The following MORC1 variants were observed in gnomAD, a reference collection of about 807,000 sequenced individuals.
The protein encoded by MORC1 is MORC family CW-type zinc finger protein 1.
Under a neutral mutation model 134.9 loss-of-function variants are expected in MORC1, and 59 were observed. The observed-to-expected ratio is 0.44, with a 90% CI of 0.35 to 0.54. MORC1 has a LOEUF of 0.54. Ranked by LOEUF, MORC1 falls within the 20% of genes least tolerant of loss-of-function variation. The pLI is 0.00. For synonymous variants in MORC1, 395 were observed against 391.7 expected (o/e 1.01, Z -0.10); for missense variants, 947 against 1,134.5 (o/e 0.83, Z 2.37).
At chr3:108,994,914 TTC>T (rs1948157926) in intron 21 of MORC1, among the ~76,000 whole-genome samples, 3 of 152,228 alleles carry the variant, frequency 2.0e-5, no homozygotes, top group Admixed American at 1.3e-4. Context: ...GTGTGGTTAC[TTC>T]TTACCTCTCA....
Position 109,007,087 on chromosome 3 carries a change from T to G in MORC1, c.1709A>C (p.Gln570Pro), listed in dbSNP as rs1379350440. ...NRLAEQQPQP[Q>P]FIPVDEITVT... ...AGTGATTTCGTCCACTGGTATAAAT[T>G]GAGGCTTTATGGGAAAGCAAACCAT... is the stretch of plus-strand genomic sequence containing the variant. The change falls in exon 18 of 28, where the codon CAA becomes CCA. Residue 570 changes from glutamine (Q) to proline (P), a missense_variant. Around this residue, in one of 3 missense-constraint regions of MORC1, gnomAD observed 722 missense variants for 817.0 expected, o/e 0.88. Coordinates refer to ENST00000232603, the MANE Select transcript of MORC1 (RefSeq NM_014429.4). 2.5e-6 allele frequency: 4 copies of G among 1,609,926 alleles called. No individual in the cohort carries two copies. The highest frequency in any genetic ancestry group is 3.4e-6 in the Non-Finnish European group (4 of 1,177,978).
intron 8 of MORC1, among the ~76,000 whole-genome samples, chr3:109,073,877 T>A (rs897839963): frequency 6.6e-6 from 1 of 152,164 alleles, no homozygotes. Flanking sequence ...TAGGGTAGAT[T>A]AAACCTATGA....
At chr3:109,029,735 C>T (rs540334778) in intron 16 of MORC1, among the ~76,000 whole-genome samples, 1 of 152,284 alleles carries the variant, frequency 6.6e-6, no homozygotes, top group East Asian at 1.9e-4. Context: ...TTACCCTCTC[C>T]GGGTATTACT....
At chr3:109,002,328 C>T (rs1948426901) in intron 20 of MORC1, among the ~76,000 whole-genome samples, 1 of 152,264 alleles carries the variant, frequency 6.6e-6, no homozygotes, top group African/African-American at 2.4e-5. Flanking sequence ...CAAGATCAGC[C>T]TCAGAAGTGT....
At chr3:109,046,061 T>G (rs2399264) in intron 14 of MORC1, among the ~76,000 whole-genome samples, 23,615 of 152,142 alleles carry the variant, frequency 0.16, 2,005 homozygotes, top group African/African-American at 0.21. Context: ...CACTGAGTAA[T>G]TTTATATTTT....
Position 109,069,806 on chromosome 3 carries a change from C to T in MORC1, c.690-49G>A, listed in dbSNP as rs748553599. 7.8e-6 allele frequency: 12 copies of T among 1,532,814 alleles called. No homozygotes were observed. The East Asian group carries it at 2.8e-4, about 35-fold the overall frequency. The allele number at this position is 1,532,814 out of a possible 1,614,324, so 95.0% of individuals were successfully genotyped here. A position where few individuals can be genotyped will look rare whatever the true frequency, so the allele number is the denominator to read the frequency against. On this transcript the variant is annotated intron_variant, in intron 8 of 27. Transcript: ENST00000232603. ...CACAATACAGAGGACACAACAACTACATCTCTTTGAGAAGAAATAACATCA... is the reference window on the plus strand; with the variant it reads ...CACAATACAGAGGACACAACAACTATATCTCTTTGAGAAGAAATAACATCA...
intron 13 of MORC1, among the ~76,000 whole-genome samples, chr3:109,056,765 A>T (rs1250059992): frequency 6.6e-6 from 1 of 152,068 alleles, no homozygotes; most frequent in East Asian, 1.9e-4. Flanking sequence ...TCCCTGACCC[A>T]TTCTATTGGT....
chr3:109,065,186 G>A (rs551235320), intron 9 of MORC1, among the ~76,000 whole-genome samples: 140 of 152,138 alleles, frequency 9.2e-4, no homozygotes, highest in African/African-American at 3.1e-3. Context: ...CCACTCAACA[G>A]CTAGAATAAT....
Position 108,979,545 on chromosome 3 carries a change from T to G in MORC1, c.2447A>C (p.Glu816Ala), listed in dbSNP as rs961415989. ...PASSQSTPVK[E>A]TVRKLKSKLR... The stretch of plus-strand genomic sequence containing the variant: ...CTTAGACTTCAGTTTTCTCACTGTT[T>G]CCTTGACAGGTGTGCTTTGAGAAGA... Residue 816 changes from glutamate to alanine, a missense_variant, in exon 24 of 28, where the codon GAA (glutamate) becomes GCA (alanine). Coordinates refer to ENST00000232603, the MANE Select transcript of MORC1 (RefSeq NM_014429.4). 2 of 1,614,116 alleles carry G rather than the reference T, an allele frequency of 1.2e-6. No homozygotes were observed. The highest frequency in any genetic ancestry group is 1.7e-5 in the Admixed American group (1 of 60,016).
At chr3:109,032,416 T>C (rs991253092) in intron 16 of MORC1, among the ~76,000 whole-genome samples, 2 of 152,160 alleles carry the variant, frequency 1.3e-5, no homozygotes, top group Admixed American at 1.3e-4. Context: ...TAAGGACATA[T>C]GTTGTATGAA....
At chr3:109,091,417 C>T (rs1339273452) in intron 8 of MORC1, among the ~76,000 whole-genome samples, 1 of 150,954 alleles carries the variant, frequency 6.6e-6, no homozygotes, top group East Asian at 1.9e-4. Context: ...GCACTCCAGC[C>T]TGGGCAACAG....
In MORC1 at chr3:109,035,410, C is replaced by A. The variant is rs766105987; in HGVS notation, c.1389G>T (p.Val463=). 2.4e-5 allele frequency: 37 copies of A among 1,556,000 alleles called. No homozygotes were observed. The Admixed American group carries it at 4.0e-4, about 17-fold the overall frequency. The stretch of plus-strand genomic sequence containing the variant: ...ATTGAAAAGAATTTAAAGGTTTCTC[C>A]ACATCGATGTCATTCTGGTATCCAA... ...NEFGYQNDID[V]EKPLNSFQYQ... is the part of the protein sequence containing the mutation. Residue 463 remains valine, a synonymous_variant, in exon 15 of 28, where the codon GTG becomes GTT. Transcript: ENST00000232603.
chr3:109,063,130 T>C (rs1335078409), intron 10 of MORC1, 22 bp downstream of exon 10: 3 of 1,518,980 alleles, frequency 2.0e-6, no homozygotes, highest in Middle Eastern at 1.7e-4. Flanking sequence ...AACAATGATG[T>C]AGGCTACAGG....
At chr3:109,040,403 A>AAAGAGAAGGAAGGAAGGAAGGAAGGAAG (rs1553753628) in intron 14 of MORC1, among the ~76,000 whole-genome samples, 2 of 13,572 alleles carry the variant, frequency 1.5e-4, no homozygotes, top group South Asian at 4.7e-3. Flanking sequence ...AGAAAGAAAG[A>AAAGAGAAGGAAGGAAGGAAGGAAGGAAG]GAAGGAAGGA....
chr3:108,987,344 G>A (rs369440163), intron 21 of MORC1, among the ~76,000 whole-genome samples: 1 of 152,326 alleles, frequency 6.6e-6, no homozygotes, highest in East Asian at 1.9e-4. Flanking sequence ...ACCTCTGGTT[G>A]CTGCAAAGCA....
intron 21 of MORC1, 90 bp from the exon 22 acceptor site, chr3:108,987,039 C>T: frequency 1.1e-6 from 1 of 924,424 alleles, no homozygotes; most frequent in Non-Finnish European, 1.6e-6. Flanking sequence ...GTGTCCCCAG[C>T]AGAAAAGAAA....
At chr3:109,052,592 C>T (rs575205521) in intron 14 of MORC1, among the ~76,000 whole-genome samples, 2 of 152,144 alleles carry the variant, frequency 1.3e-5, no homozygotes, top group African/African-American at 2.4e-5. Flanking sequence ...AGTTCCTACG[C>T]TTTTCCGTTT....
At chr3:108,991,839 A>G (rs1404835091) in intron 21 of MORC1, among the ~76,000 whole-genome samples, 2 of 152,116 alleles carry the variant, frequency 1.3e-5, no homozygotes, top group Non-Finnish European at 2.9e-5. Context: ...TTTGTTCCAG[A>G]TTGCCATCTC....
intron 1 of MORC1, among the ~76,000 whole-genome samples, chr3:109,117,712 T>A (rs1280679003): frequency 6.6e-6 from 1 of 152,216 alleles, no homozygotes; most frequent in Non-Finnish European, 1.5e-5. Flanking sequence ...ATTGGTAGAA[T>A]CACAGTTCTG....
Sources: allele counts gnomAD v4.1 joint callset (sites outside exome capture counted in the v4.1 genomes callset), GRCh38; gene constraint gnomAD v4.1.1; regional missense constraint gnomAD v4.1.1; transcripts MANE v1.5; gene names NCBI Gene and HGNC (gene_info 2026-07-23, HGNC 2026-07-21).